HDX: variants seen among roughly 807,000 people sequenced by gnomAD.
HDX encodes chromosome X open reading frame 43.
Under a neutral mutation model 45.2 loss-of-function variants are expected in HDX, and 19 were observed. The observed-to-expected ratio is 0.42, with a 90% confidence interval of 0.29 to 0.62. The LOEUF (loss-of-function observed/expected upper bound fraction) is 0.62, where lower values mean the gene tolerates loss of function less well. Ranked by LOEUF, HDX falls within the 20% of genes least tolerant of loss-of-function variation. The pLI is 0.20. For missense variants in HDX, 532 were observed against 493.9 expected (o/e 1.08, Z -0.73); for synonymous variants, 188 against 172.8 (o/e 1.09, Z -0.69).
At chrX:84,386,902 C>CT (rs990078369) in intron 5 of HDX, among the ~76,000 whole-genome samples, 8 of 110,114 alleles carry the variant, frequency 7.3e-5, no homozygotes, top group South Asian at 3.8e-4. Flanking sequence ...TGATTTGTTT[C>CT]TTTTTTTTCC....
At chrX:84,478,058 T>C (rs960673040) in intron 2 of HDX, among the ~76,000 whole-genome samples, 1 of 112,372 alleles carries the variant, frequency 8.9e-6, no homozygotes. Context: ...TGCTGGACTG[T>C]ACAAGTCATC....
chrX:84,468,662 A>G lies in HDX; in HGVS notation c.1061T>C (p.Met354Thr), dbSNP rs138694491. Residue 354 changes from methionine to threonine, a missense_variant, in exon 4 of 11, where the codon ATG (methionine) becomes ACG (threonine). This residue lies in a region of HDX where 376 missense variants were observed against 343.7 expected (regional missense o/e 1.09). Coordinates refer to ENST00000373177, the MANE Select transcript of HDX (RefSeq NM_001177479.2). ...GTCTGACATATCTCTAATATTCACC[A>G]TTTGTGAATTTGGCATATTTCTTCC... Reference protein sequence around the residue: ...GPGRNMPNSQMVNIRDMSDNV... With the variant: ...GPGRNMPNSQTVNIRDMSDNV... 7 of 1,209,116 alleles carry G rather than the reference A, an allele frequency of 5.8e-6. No homozygotes were observed. The highest frequency in any genetic ancestry group is 7.8e-6 in the Non-Finnish European group (7 of 893,434).
At chrX:84,419,937 G>T (rs2039211106) in intron 5 of HDX, among the ~76,000 whole-genome samples, 1 of 111,888 alleles carries the variant, frequency 8.9e-6, no homozygotes, top group Non-Finnish European at 1.9e-5. Context: ...ATACCAGTCT[G>T]CAAGAACCAC....
intron 6 of HDX, among the ~76,000 whole-genome samples, chrX:84,357,065 C>A (rs1277010049): frequency 9.0e-6 from 1 of 111,306 alleles, no homozygotes; most frequent in Non-Finnish European, 1.9e-5. Flanking sequence ...GCACAAGGTA[C>A]TTATTAGTAC....
At chrX:84,409,504 A>G (rs2038929815) in intron 5 of HDX, among the ~76,000 whole-genome samples, 1 of 109,503 alleles carries the variant, frequency 9.1e-6, no homozygotes, top group Non-Finnish European at 1.9e-5. Context: ...CTGGATTAAG[A>G]AAATGTGGCA....
chrX:84,343,243 T>C (rs1465093396), intron 7 of HDX, among the ~76,000 whole-genome samples: 1 of 110,488 alleles, frequency 9.1e-6, no homozygotes, highest in East Asian at 2.9e-4. Flanking sequence ...CATTGAATTC[T>C]ATATTTAAAA....
At position 84,382,395 on chromosome X, in the gene HDX, C is replaced by T. The variant is rs1480544186; in HGVS notation, c.1306-20783G>A. ...AGTATATCTAAAAGATATCTGCACTCCCATGTTTGTTTCAGCAGTTTACAA... is the reference window on the plus strand; with the variant it reads ...AGTATATCTAAAAGATATCTGCACTTCCATGTTTGTTTCAGCAGTTTACAA... On this transcript the variant is annotated intron_variant, in intron 5 of 10. Coordinates refer to ENST00000373177, the MANE Select transcript of HDX (RefSeq NM_001177479.2). Among the ~76,000 whole-genome samples, 10 of 111,710 alleles carry T rather than the reference C, an allele frequency of 9.0e-5. No individual in the cohort carries two copies. In the East Asian group the frequency reaches 1.4e-3, roughly 16 times the overall value.
At chrX:84,443,964 CAGGTACATGAATGTCTTTACTACA>C (rs1301498909) in intron 4 of HDX, among the ~76,000 whole-genome samples, 3 of 111,405 alleles carry the variant, frequency 2.7e-5, no homozygotes, top group Non-Finnish European at 5.7e-5. Flanking sequence ...AGAGATAAGA[CAGGTACATGAATGTCTTTACTACA>C]AAGAAAACTG....
intron 7 of HDX, among the ~76,000 whole-genome samples, chrX:84,339,759 A>G (rs923864477): frequency 5.4e-5 from 6 of 111,381 alleles, no homozygotes; most frequent in South Asian, 3.7e-4. Context: ...CTGTATAATT[A>G]TCTTTCACGT....
At chrX:84,324,157 T>A (rs1009327552) in intron 10 of HDX, among the ~76,000 whole-genome samples, 7 of 111,737 alleles carry the variant, frequency 6.3e-5, no homozygotes, top group African/African-American at 2.3e-4. Context: ...AGTGTTTCAG[T>A]CAGAGAGTAT....
chrX:84,372,076 T>C (rs1303476033), intron 5 of HDX, among the ~76,000 whole-genome samples: 2 of 111,989 alleles, frequency 1.8e-5, no homozygotes, highest in Non-Finnish European at 3.8e-5. Context: ...TGTAGATGTC[T>C]TCGAATGGCC....
intron 5 of HDX, among the ~76,000 whole-genome samples, chrX:84,423,783 T>G (rs1352608224): frequency 8.9e-6 from 1 of 111,779 alleles, no homozygotes; most frequent in East Asian, 2.8e-4. Context: ...TAAAACTCTT[T>G]AAAAAATTAG....
intron 5 of HDX, among the ~76,000 whole-genome samples, chrX:84,382,836 T>C (rs2147909210): frequency 9.0e-6 from 1 of 111,174 alleles, no homozygotes; most frequent in African/African-American, 3.3e-5. Context: ...TTTTTTAAAA[T>C]AACTAAAAGA....
Position 84,469,092 on chromosome X carries a change from G to C in HDX, c.631C>G (p.Gln211Glu), listed in dbSNP as rs2040408429. ...SVQASEMTVPQKPSVCHRPCK... is the reference protein window; with the variant it reads ...SVQASEMTVPEKPSVCHRPCK... ...GGTCGGTGGCACACAGAAGGCTTTT[G>C]AGGTACTGTCATTTCAGAAGCTTGT... The change falls in exon 4 of 11, where the codon CAA (glutamine) becomes GAA (glutamate). Residue 211 changes from glutamine (Q) to glutamate (E), a missense_variant. By Grantham distance (29) the Gln-to-Glu change is conservative. Coordinates refer to ENST00000373177, the MANE Select transcript of HDX (RefSeq NM_001177479.2). The C allele has an allele frequency of 1.7e-6, 2 of 1,209,993 alleles. No individual in the cohort carries two copies. The highest frequency in any genetic ancestry group is 1.1e-6 in the Non-Finnish European group (1 of 895,251).
chrX:84,499,383 C>A (rs2041073631), intron 1 of HDX, among the ~76,000 whole-genome samples: 1 of 111,604 alleles, frequency 9.0e-6, no homozygotes, highest in Non-Finnish European at 1.9e-5. Flanking sequence ...GCTCTCTAAA[C>A]TTAACAGCAT....
intron 2 of HDX, among the ~76,000 whole-genome samples, chrX:84,479,342 T>G (rs1234243463): frequency 1.8e-5 from 2 of 112,081 alleles, no homozygotes; most frequent in African/African-American, 6.5e-5. Flanking sequence ...CTTCTTTCAC[T>G]TAGCATAGAG....
chrX:84,402,526 T>C (rs751671240), intron 5 of HDX, among the ~76,000 whole-genome samples: 13 of 112,092 alleles, frequency 1.2e-4, no homozygotes, highest in African/African-American at 3.6e-4. Flanking sequence ...TCATACAGTG[T>C]ATAGTATTCC....
intron 4 of HDX, among the ~76,000 whole-genome samples, chrX:84,456,067 G>A (rs865974115): frequency 9.0e-5 from 10 of 111,704 alleles, no homozygotes; most frequent in African/African-American, 2.6e-4. Context: ...TACAAGAAAC[G>A]CTAAAGGGAG....
At chrX:84,477,215 G>A (rs1423329181) in intron 2 of HDX, among the ~76,000 whole-genome samples, 1 of 111,380 alleles carries the variant, frequency 9.0e-6, no homozygotes, top group Non-Finnish European at 1.9e-5. Context: ...TTTGAAATGG[G>A]TTCTGAGGAC....
Sources: gnomAD v4.1 joint callset for allele counts (sites outside exome capture counted in the v4.1 genomes callset) on GRCh38, gnomAD v4.1.1 for gene constraint, gnomAD v4.1.1 regional missense constraint, MANE v1.5 for transcripts, NCBI Gene and HGNC (gene_info 2026-07-23, HGNC 2026-07-21) for gene names.